Variants in NAV2 observed in about 807,000 individuals in gnomAD.
The protein encoded by NAV2 is helicase, APC down-regulated 1.
In NAV2, 54 loss-of-function variants were observed where a neutral mutation model predicts 223.2. That is an observed-to-expected ratio of 0.24 (90% CI 0.19 to 0.30). The LOEUF is 0.30. NAV2 is among the 10% of genes least tolerant of loss of function. The pLI is 1.00. For synonymous variants in NAV2, 1,279 were observed against 1,239.3 expected (o/e 1.03, Z -0.67); for missense variants, 2,806 against 3,147.5 (o/e 0.89, Z 2.60).
intron 22 of NAV2, among the ~76,000 whole-genome samples, chr11:20,076,046 G>A (rs1475747791): frequency 2.6e-5 from 4 of 152,078 alleles, no homozygotes; most frequent in Non-Finnish European, 5.9e-5. Context: ...ATGCATTCCT[G>A]TGTTTTGCAG....
intron 1 of NAV2, among the ~76,000 whole-genome samples, chr11:19,805,161 C>A (rs1296679485): frequency 1.3e-5 from 2 of 152,146 alleles, no homozygotes; most frequent in Admixed American, 6.5e-5. Flanking sequence ...TCTGACAGGT[C>A]TTCCAATTTT....
chr11:19,826,645 T>C (rs532861401), intron 1 of NAV2, among the ~76,000 whole-genome samples: 10 of 152,266 alleles, frequency 6.6e-5, no homozygotes, highest in South Asian at 2.1e-4. Flanking sequence ...CTTCAAAAAG[T>C]TGAGAGCTGG....
chr11:19,631,327 A>G (rs371415204), intron 1 of NAV2, among the ~76,000 whole-genome samples: 3 of 151,798 alleles, frequency 2.0e-5, no homozygotes, highest in Admixed American at 6.6e-5. Context: ...TCATTGTTCA[A>G]TTCCCACCTA....
At chr11:20,012,350 A>ACC (rs1232428572) in intron 11 of NAV2, among the ~76,000 whole-genome samples, 1 of 151,784 alleles carries the variant, frequency 6.6e-6, no homozygotes, top group Non-Finnish European at 1.5e-5. Context: ...TTTTGCACCA[A>ACC]CCTAATACCA....
At chr11:19,906,051 C>T (rs908339737) in intron 6 of NAV2, among the ~76,000 whole-genome samples, 1 of 152,072 alleles carries the variant, frequency 6.6e-6, no homozygotes, top group African/African-American at 2.4e-5. Context: ...GACGGTCTTG[C>T]TAAGGTGCAC....
intron 1 of NAV2, among the ~76,000 whole-genome samples, chr11:19,568,072 T>C (rs2045324075): frequency 6.6e-6 from 1 of 152,248 alleles, no homozygotes; most frequent in Non-Finnish European, 1.5e-5. Flanking sequence ...CAGTAGGTGC[T>C]CGGTAAATGT....
chr11:19,608,591 A>G (rs1590668029), intron 1 of NAV2, among the ~76,000 whole-genome samples: 2 of 152,266 alleles, frequency 1.3e-5, no homozygotes, highest in African/African-American at 4.8e-5. Flanking sequence ...AAAGATAGCC[A>G]TATGCCATAT....
intron 5 of NAV2, chr11:19,884,409 A>G (rs1248372038): frequency 4.0e-6 from 6 of 1,505,166 alleles, no homozygotes; most frequent in Non-Finnish European, 9.2e-7. Flanking sequence ...ATCCCAACCC[A>G]CTGTTCCATT....
At chr11:19,810,326 C>A (rs2058778647) in intron 1 of NAV2, among the ~76,000 whole-genome samples, 1 of 147,522 alleles carries the variant, frequency 6.8e-6, no homozygotes, top group Non-Finnish European at 1.5e-5. Flanking sequence ...TACTGTGCTC[C>A]AGGCTTATTT....
intron 1 of NAV2, among the ~76,000 whole-genome samples, chr11:19,787,609 G>A (rs1261874284): frequency 2.6e-5 from 4 of 152,132 alleles, no homozygotes; most frequent in Non-Finnish European, 5.9e-5. Flanking sequence ...AAGATTGGTG[G>A]AGTCCTTTTC....
chr11:19,568,329 T>C (rs759258503), intron 1 of NAV2, among the ~76,000 whole-genome samples: 19 of 152,198 alleles, frequency 1.2e-4, no homozygotes, highest in Non-Finnish European at 2.5e-4. Context: ...GCTCCAGTAC[T>C]GAGACCCTGA....
chr11:19,704,904 G>A (rs1430755183), intron 1 of NAV2, among the ~76,000 whole-genome samples: 1 of 151,012 alleles, frequency 6.6e-6, no homozygotes, highest in Admixed American at 6.6e-5. Context: ...CCAGCTACTC[G>A]GGAGGCTGAG....
rs757111939 is a variant in NAV2 at position 19,953,858 on chromosome 11, C to CGCGT, written c.2645+4779_2645+4780insCGTG. Reference sequence around the variant, plus strand: ...TGCACAAGAAATGTGCACGCGCGCGCGTGTGTGTGTGTGTGTGTGTGTGTC... The same window carrying CGCGT: ...TGCACAAGAAATGTGCACGCGCGCGCGCGTGTGTGTGTGTGTGTGTGTGTGTGTC... On this transcript the variant is annotated intron_variant, in intron 10 of 37. Coordinates refer to ENST00000349880, the MANE Select transcript of NAV2 (RefSeq NM_145117.5). Among the ~76,000 whole-genome samples, 1,247 of 150,610 alleles carry CGCGT rather than the reference C, an allele frequency of 8.3e-3. 8 individuals are homozygous for CGCGT. Among genetic ancestry groups the CGCGT allele is most frequent in the East Asian group, 0.027 (137 of 5,030 alleles).
chr11:20,051,884 AT>A (rs1444525043), intron 17 of NAV2, among the ~76,000 whole-genome samples: 1 of 152,174 alleles, frequency 6.6e-6, no homozygotes, highest in Non-Finnish European at 1.5e-5. Context: ...GGGTGTGATC[AT>A]TTTTTGGTGG....
intron 1 of NAV2, among the ~76,000 whole-genome samples, chr11:19,436,200 G>A (rs1466066782): frequency 6.6e-6 from 1 of 151,954 alleles, no homozygotes; most frequent in Non-Finnish European, 1.5e-5. Context: ...TCAGTTCCAG[G>A]TCTGATATTT....
chr11:19,729,282 C>T (rs557713915), intron 1 of NAV2, among the ~76,000 whole-genome samples: 4 of 152,054 alleles, frequency 2.6e-5, no homozygotes, highest in African/African-American at 9.7e-5. Flanking sequence ...CATGCAAGAT[C>T]CCGAGAAAAC....
chr11:19,586,583 GT>G (rs2045903126), intron 1 of NAV2, among the ~76,000 whole-genome samples: 1 of 152,196 alleles, frequency 6.6e-6, no homozygotes, highest in East Asian at 1.9e-4. Context: ...CTGTTTGTTA[GT>G]TTTCCTTCTA....
At chr11:19,759,657 C>G (rs2054563491) in intron 1 of NAV2, among the ~76,000 whole-genome samples, 2 of 152,180 alleles carry the variant, frequency 1.3e-5, no homozygotes, top group African/African-American at 4.8e-5. Flanking sequence ...GTACTACTTA[C>G]TAGCTATGTT....
chr11:20,002,209 A>G (rs563891210), intron 11 of NAV2, among the ~76,000 whole-genome samples: 6 of 152,058 alleles, frequency 3.9e-5, no homozygotes, highest in Non-Finnish European at 8.8e-5. Context: ...ACCTCTAAAC[A>G]CTATCGCATT....
Sources: allele counts gnomAD v4.1 joint callset (sites outside exome capture counted in the v4.1 genomes callset), GRCh38; gene constraint gnomAD v4.1.1; transcripts MANE v1.5; gene names NCBI Gene and HGNC (gene_info 2026-07-23, HGNC 2026-07-21).